The following HHAT variants were observed in gnomAD, a reference collection of about 807,000 sequenced individuals.
HHAT encodes the protein protein-cysteine N-palmitoyltransferase HHAT.
In HHAT, 47 loss-of-function variants were observed where a neutral mutation model predicts 70.8. The observed-to-expected ratio is 0.66, with a 90% CI of 0.53 to 0.85. The LOEUF is 0.85. Ranked by LOEUF, HHAT falls within the 40% of genes least tolerant of loss-of-function variation. The pLI is 0.00. For missense variants in HHAT, 609 were observed against 604.8 expected (o/e 1.01, Z -0.07); for synonymous variants, 228 against 247.6 (o/e 0.92, Z 0.74).
chr1:210,527,235 CTCCCCTGGAA>C (rs2095261143), intron 9 of HHAT, among the ~76,000 whole-genome samples: 1 of 152,126 alleles, frequency 6.6e-6, no homozygotes, highest in African/African-American at 2.4e-5. Context: ...CCAGCTCAGA[CTCCCCTGGAA>C]GCGTCAGGTG....
chr1:210,354,995 A>G lies in HHAT; in HGVS notation c.91+5929A>G, dbSNP rs186948385. Among the ~76,000 whole-genome samples the G allele has an allele frequency of 6.6e-4, 100 of 152,234 alleles. 1 individual carries two copies. The highest frequency in any genetic ancestry group is 2.2e-3 in the African/African-American group (92 of 41,566). On this transcript the variant is annotated intron_variant, in intron 2 of 11. Transcript: ENST00000261458. ...TTTCTTTGCTTATTCAAAATCTTTC[A>G]TCACTTCCCTTAATGAAGGTTTGTG...
At chr1:210,419,106 C>T (rs1365266569) in intron 7 of HHAT, among the ~76,000 whole-genome samples, 1 of 152,126 alleles carries the variant, frequency 6.6e-6, no homozygotes, top group African/African-American at 2.4e-5. Flanking sequence ...GGTGTGTAAC[C>T]TTGGCAGTTT....
chr1:210,562,400 TG>T (rs66605749), intron 9 of HHAT, among the ~76,000 whole-genome samples: 17,944 of 111,068 alleles, frequency 0.16, 1,122 homozygotes, highest in South Asian at 0.23. Flanking sequence ...GGCCAAGGGG[TG>T]GGGGGTGGGT....
chr1:210,596,022 T>C (rs1662911678), intron 10 of HHAT, among the ~76,000 whole-genome samples: 1 of 152,214 alleles, frequency 6.6e-6, no homozygotes, highest in African/African-American at 2.4e-5. Context: ...CTTTTGGTGT[T>C]TTAGACATGA....
rs756812913 is a variant in HHAT, at chr1:210,394,897, G to A, written c.274-5571G>A. On this transcript the variant is annotated intron_variant, in intron 4 of 11. Transcript: ENST00000261458. ...TAAGGAGGGATGAAATTCCTTTTAC[G>A]TGGGCCTGCTGGCCTTTGCTCCCAG... 1.2e-4 allele frequency among the ~76,000 whole-genome samples: 18 copies of A among 152,190 alleles called. No homozygotes were observed. The South Asian group carries it at 1.9e-3, about 16-fold the overall frequency.
intron 6 of HHAT, among the ~76,000 whole-genome samples, chr1:210,410,559 A>C (rs2092510079): frequency 2.6e-5 from 3 of 115,304 alleles, no homozygotes; most frequent in African/African-American, 3.8e-5. Flanking sequence ...ATAGAGTCTC[A>C]CTCTTCACCC....
At chr1:210,363,346 C>T (rs2088565819) in intron 3 of HHAT, among the ~76,000 whole-genome samples, 1 of 152,202 alleles carries the variant, frequency 6.6e-6, no homozygotes, top group East Asian at 1.9e-4. Context: ...CATCCCTCGT[C>T]CCTCTGGTAG....
chr1:210,334,750 CAG>C (rs2085328992), intron 1 of HHAT, among the ~76,000 whole-genome samples: 1 of 149,246 alleles, frequency 6.7e-6, no homozygotes, highest in African/African-American at 2.5e-5. Context: ...TTATTAGTGT[CAG>C]GGAAGAAAAA....
intron 4 of HHAT, among the ~76,000 whole-genome samples, chr1:210,394,808 T>A (rs979339099): frequency 6.6e-6 from 1 of 152,154 alleles, no homozygotes; most frequent in Non-Finnish European, 1.5e-5. Flanking sequence ...ATCCACTGAA[T>A]AGAAATCTCA....
At chr1:210,577,432 T>G (rs1319713859) in intron 9 of HHAT, among the ~76,000 whole-genome samples, 1 of 152,172 alleles carries the variant, frequency 6.6e-6, no homozygotes, top group Non-Finnish European at 1.5e-5. Flanking sequence ...TGTGTTAAGA[T>G]GATAACGAAG....
intron 9 of HHAT, among the ~76,000 whole-genome samples, chr1:210,560,649 C>CA (rs563941240): frequency 0.051 from 6,421 of 124,816 alleles, 181 homozygotes; most frequent in African/African-American, 0.076. Flanking sequence ...CCATCTCTAC[C>CA]AAAAAAAAAA....
At chr1:210,343,433 G>A (rs370666384) in intron 1 of HHAT, among the ~76,000 whole-genome samples, 31 of 152,142 alleles carry the variant, frequency 2.0e-4, no homozygotes, top group Non-Finnish European at 3.7e-4. Flanking sequence ...AGTGACTGTC[G>A]TAGTGACAGT....
intron 9 of HHAT, among the ~76,000 whole-genome samples, chr1:210,555,573 T>C (rs901011275): frequency 3.3e-5 from 5 of 152,184 alleles, no homozygotes; most frequent in South Asian, 4.1e-4. Flanking sequence ...GAAGAAGAGA[T>C]TCTCTGGACT....
At chr1:210,504,277 C>T (rs975660224) in intron 8 of HHAT, among the ~76,000 whole-genome samples, 1 of 152,162 alleles carries the variant, frequency 6.6e-6, no homozygotes, top group East Asian at 1.9e-4. Context: ...TTGGAGAATA[C>T]TCTGTTAGGA....
chr1:210,438,505 A>T (rs922788791), intron 7 of HHAT, among the ~76,000 whole-genome samples: 1 of 151,688 alleles, frequency 6.6e-6, no homozygotes, highest in Non-Finnish European at 1.5e-5. Context: ...ATACCCACAT[A>T]TATATATGTA....
intron 9 of HHAT, among the ~76,000 whole-genome samples, chr1:210,564,859 G>C (rs1013018517): frequency 3.3e-5 from 5 of 152,158 alleles, no homozygotes; most frequent in Non-Finnish European, 7.3e-5. Context: ...GGTTAAGGAA[G>C]AAATGGGATG....
At chr1:210,405,704 T>C (rs1572201192) in intron 6 of HHAT, among the ~76,000 whole-genome samples, 2 of 152,216 alleles carry the variant, frequency 1.3e-5, no homozygotes, top group African/African-American at 4.8e-5. Context: ...TATTTTTGCA[T>C]TATAACAATA....
chr1:210,495,226 A>T (rs2094617054), intron 8 of HHAT, among the ~76,000 whole-genome samples: 1 of 151,176 alleles, frequency 6.6e-6, no homozygotes, highest in South Asian at 2.1e-4. Context: ...AATATTTTAT[A>T]CATCTATAAT....
intron 3 of HHAT, chr1:210,374,180 A>G (rs1440950302): frequency 1.3e-5 from 2 of 152,198 alleles, no homozygotes; most frequent in East Asian, 1.9e-4. Context: ...AGGCTTACAA[A>G]AAATTAGCTT....
Sources: allele counts gnomAD v4.1 joint callset (sites outside exome capture counted in the v4.1 genomes callset), GRCh38; gene constraint gnomAD v4.1.1; transcripts MANE v1.5; gene names NCBI Gene and HGNC (gene_info 2026-07-23, HGNC 2026-07-21).